CAPRIN2: variants seen among roughly 807,000 people sequenced by gnomAD.
CAPRIN2 encodes caprin family member 2, also known as caprin-2.
In CAPRIN2, 66 loss-of-function variants were observed where a neutral mutation model predicts 130.4. The ratio of observed to expected loss-of-function variants is 0.51; its 90% CI spans 0.42 to 0.62. CAPRIN2 has a LOEUF of 0.62. Among genes scored for constraint, CAPRIN2 ranks in the 20% least tolerant of loss-of-function variants. The pLI is 0.00. For synonymous variants in CAPRIN2, 471 were observed against 444.1 expected, an observed-to-expected ratio of 1.06 and a Z score of -0.76; for missense variants, 1,185 against 1,246.6, an observed-to-expected ratio of 0.95 and a Z score of 0.74.
At chr12:30,730,006 T>G (rs1213628798) in intron 7 of CAPRIN2, among the ~76,000 whole-genome samples, 1 of 152,172 alleles carries the variant, frequency 6.6e-6, no homozygotes, top group African/African-American at 2.4e-5. Flanking sequence ...TAGATCAACC[T>G]CTTTAATCCT....
intron 6 of CAPRIN2, 128 bp from the exon 8 acceptor site, chr12:30,730,410 G>A: frequency 1.5e-6 from 1 of 661,214 alleles, no homozygotes; most frequent in South Asian, 2.0e-5. Context: ...ATATAATCAA[G>A]TATATTGATG....
chr12:30,718,287 A>T (rs2058298734), intron 12 of CAPRIN2, among the ~76,000 whole-genome samples: 1 of 152,238 alleles, frequency 6.6e-6, no homozygotes, highest in Non-Finnish European at 1.5e-5. Flanking sequence ...GAACTATTCT[A>T]TCTAGAAATA....
chr12:30,711,145 G>A (rs1036476738), intron 16 of CAPRIN2, among the ~76,000 whole-genome samples: 8 of 152,106 alleles, frequency 5.3e-5, no homozygotes, highest in African/African-American at 1.9e-4. Context: ...ATTTTAAAAA[G>A]TGTTATAACT....
chr12:30,716,301 C>T (rs532538599), intron 13 of CAPRIN2: 8 of 490,522 alleles, frequency 1.6e-5, no homozygotes, highest in African/African-American at 1.6e-4. Context: ...CATCTAAGTT[C>T]TATCTCTACA....
intron 1 of CAPRIN2, among the ~76,000 whole-genome samples, chr12:30,751,848 A>T (rs2074040949): frequency 6.6e-6 from 1 of 151,940 alleles, no homozygotes; most frequent in African/African-American, 2.4e-5. Flanking sequence ...ATACTTAAGG[A>T]AATTATGAAA....
At chr12:30,734,041 G>T (rs1482086272) in intron 4 of CAPRIN2, among the ~76,000 whole-genome samples, 1 of 152,130 alleles carries the variant, frequency 6.6e-6, no homozygotes, top group East Asian at 1.9e-4. Context: ...CAGTGAAATT[G>T]AAATATTAAG....
chr12:30,731,523 G>A lies in CAPRIN2; in HGVS notation c.893-13C>T. On this transcript the variant is annotated splice_polypyrimidine_tract_variant and intron_variant, in intron 5 of 16. Coordinates refer to ENST00000298892, the Ensembl canonical transcript of CAPRIN2. ...TTCAAGTGTTTGTCTAAGAAAGAGT[G>A]ATTAAGACTTAATTGTCACATGACC... 3.1e-6 allele frequency: 5 copies of A among 1,601,506 alleles called. No homozygotes were observed. The highest frequency in any genetic ancestry group is 4.3e-6 in the Non-Finnish European group (5 of 1,173,126).
rs2074907130 is a variant in CAPRIN2 at position 30,753,336 on chromosome 12, A to G, written c.420+8T>C. The G allele has an allele frequency of 6.3e-7, 1 of 1,599,104 alleles. No homozygotes were observed. Among genetic ancestry groups the G allele is most frequent in the Non-Finnish European group, 8.5e-7 (1 of 1,171,864 alleles). ...ATGCATCTACAGGACTGGAAGAAAAAAAGTTACCTTCTTTTTCTCGATGTT... is the reference window on the plus strand; with the variant it reads ...ATGCATCTACAGGACTGGAAGAAAAGAAGTTACCTTCTTTTTCTCGATGTT... On this transcript the variant is annotated splice_region_variant and intron_variant, in intron 1 of 16. Transcript: ENST00000298892.
At chr12:30,718,600 A>C (rs1015724411) in intron 12 of CAPRIN2, among the ~76,000 whole-genome samples, 1 of 152,262 alleles carries the variant, frequency 6.6e-6, no homozygotes, top group East Asian at 1.9e-4. Flanking sequence ...GTAATTCAAA[A>C]CACCACACAA....
At chr12:30,709,966 C>A in exon 17 of CAPRIN2, 1 of 1,613,620 alleles carries the variant, frequency 6.2e-7, no homozygotes, top group Non-Finnish European at 8.5e-7. Context: ...ATAAATTGCT[C>A]CCCTGTGCAG....
intron 15 of CAPRIN2, among the ~76,000 whole-genome samples, chr12:30,712,095 A>T (rs2055035331): frequency 6.6e-6 from 1 of 152,156 alleles, no homozygotes; most frequent in Non-Finnish European, 1.5e-5. Context: ...TTGATAAAAA[A>T]TTATATTGTA....
chr12:30,740,592 T>G (rs2067005210), intron 3 of CAPRIN2, among the ~76,000 whole-genome samples: 1 of 152,196 alleles, frequency 6.6e-6, no homozygotes, highest in South Asian at 2.1e-4. Flanking sequence ...CCATCAATAA[T>G]TTTCATGCTT....
intron 3 of CAPRIN2, among the ~76,000 whole-genome samples, chr12:30,737,951 C>T (rs984784330): frequency 3.3e-5 from 5 of 151,930 alleles, no homozygotes; most frequent in African/African-American, 1.2e-4. Flanking sequence ...TACCAGGAGA[C>T]AGAGCTCATG....
intron 12 of CAPRIN2, among the ~76,000 whole-genome samples, chr12:30,717,224 A>G (rs930795295): frequency 6.6e-6 from 1 of 152,254 alleles, no homozygotes; most frequent in Non-Finnish European, 1.5e-5. Context: ...AATGAAGTAC[A>G]TACATAAAAT....
chr12:30,738,411 A>G (rs1325880473), intron 3 of CAPRIN2, among the ~76,000 whole-genome samples: 5 of 152,218 alleles, frequency 3.3e-5, no homozygotes, highest in African/African-American at 1.2e-4. Context: ...GACTTTGAAT[A>G]AGTTCCTTTT....
At chr12:30,736,302 C>T (rs866220759) in intron 3 of CAPRIN2, among the ~76,000 whole-genome samples, 3 of 151,892 alleles carry the variant, frequency 2.0e-5, no homozygotes, top group Non-Finnish European at 2.9e-5. Context: ...CTATCTCTTT[C>T]CATTAAGAAA....
chr12:30,717,228 A>G (rs115404534), intron 12 of CAPRIN2, among the ~76,000 whole-genome samples: 15 of 152,376 alleles, frequency 9.8e-5, no homozygotes, highest in African/African-American at 3.6e-4. Flanking sequence ...AAGTACATAC[A>G]TAAAATGGAT....
intron 15 of CAPRIN2, among the ~76,000 whole-genome samples, chr12:30,713,349 G>C (rs1399348790): frequency 1.3e-5 from 2 of 152,162 alleles, no homozygotes; most frequent in African/African-American, 4.8e-5. Flanking sequence ...TAACGAAAAA[G>C]GGCTTTGCTA....
At chr12:30,749,819 AC>A (rs1382846445) in intron 2 of CAPRIN2, among the ~76,000 whole-genome samples, 2 of 152,214 alleles carry the variant, frequency 1.3e-5, no homozygotes, top group Non-Finnish European at 2.9e-5. Flanking sequence ...CAAAGTTCAT[AC>A]ATTTATTATA....
Sources: gnomAD v4.1 joint callset for allele counts (sites outside exome capture counted in the v4.1 genomes callset) on GRCh38, gnomAD v4.1.1 for gene constraint, MANE v1.5 for transcripts, NCBI Gene and HGNC (gene_info 2026-07-23, HGNC 2026-07-21) for gene names.